CPHXL: variants seen among roughly 807,000 people sequenced by gnomAD.
CPHXL encodes the protein cytoplasmic polyadenylated homeobox like, also known as cytoplasmic polyadenylated homeobox-like protein.
chr16:75,715,928 C>T (rs534456689), intron 2 of CPHXL, among the ~76,000 whole-genome samples: 1 of 152,150 alleles, frequency 6.6e-6, no homozygotes, highest in South Asian at 2.1e-4. Flanking sequence ...GAACTCCTGA[C>T]CTCAGGTGAT....
intron 1 of CPHXL, among the ~76,000 whole-genome samples, chr16:75,725,291 CTTTT>C (rs1026117933): frequency 6.6e-6 from 1 of 151,542 alleles, no homozygotes; most frequent in African/African-American, 2.4e-5. Context: ...AAAAAACTTT[CTTTT>C]TTTCTTTATT....
At chr16:75,716,034 T>C (rs1170781625) in intron 2 of CPHXL, among the ~76,000 whole-genome samples, 1 of 152,084 alleles carries the variant, frequency 6.6e-6, no homozygotes, top group Non-Finnish European at 1.5e-5. Context: ...AATTCTGACA[T>C]GCATTGGTTC....
intron 1 of CPHXL, among the ~76,000 whole-genome samples, chr16:75,719,493 G>A (rs1959443206): frequency 6.6e-6 from 1 of 152,192 alleles, no homozygotes. Flanking sequence ...CGCCCATGGA[G>A]CCTCGCTCAC....
At chr16:75,720,409 G>A (rs1597221397) in intron 1 of CPHXL, among the ~76,000 whole-genome samples, 1 of 152,182 alleles carries the variant, frequency 6.6e-6, no homozygotes, top group South Asian at 2.1e-4. Context: ...AGTCGTTAAA[G>A]GACCTGATGG....
At chr16:75,724,682 G>A (rs1327701969) in intron 1 of CPHXL, among the ~76,000 whole-genome samples, 2 of 152,182 alleles carry the variant, frequency 1.3e-5, no homozygotes, top group African/African-American at 4.8e-5. Flanking sequence ...TGGTGGGACT[G>A]TAAAGTAGTT....
chr16:75,724,671 T>C (rs925722437), intron 1 of CPHXL, among the ~76,000 whole-genome samples: 3 of 152,186 alleles, frequency 2.0e-5, no homozygotes, highest in Non-Finnish European at 2.9e-5. Context: ...TTTTATACTG[T>C]TGGTGGGACT....
At chr16:75,719,458 G>A (rs1234926832) in intron 1 of CPHXL, among the ~76,000 whole-genome samples, 1 of 152,144 alleles carries the variant, frequency 6.6e-6, no homozygotes, top group Non-Finnish European at 1.5e-5. Context: ...GAGATTATAT[G>A]CTGCGCCTGG....
chr16:75,720,893 ACAG>A (rs1416417594), intron 1 of CPHXL, among the ~76,000 whole-genome samples: 82 of 152,358 alleles, frequency 5.4e-4, no homozygotes, highest in African/African-American at 1.9e-3. Flanking sequence ...TATCAGACTA[ACAG>A]CGGATCTCTC....
intron 1 of CPHXL, among the ~76,000 whole-genome samples, chr16:75,725,748 G>A (rs1306959698): frequency 9.1e-6 from 1 of 109,890 alleles, no homozygotes; most frequent in Admixed American, 1.3e-4. Flanking sequence ...CACCGTGCCC[G>A]GCGTCTTTTT....
chr16:75,718,397 T>A lies in CPHXL; in HGVS notation c.87A>T (p.Thr29=), dbSNP rs1194879353. The A allele has an allele frequency of 1.3e-5, 5 of 398,648 alleles. No homozygotes were observed. Among genetic ancestry groups the A allele is most frequent in the African/African-American group, 1.0e-4 (5 of 48,642 alleles). The allele number at this position is 398,648 out of a possible 1,614,324, so 24.7% of individuals were successfully genotyped here. Reference sequence around the variant, plus strand: ...CTTCAGAAAATTTATGTCGGTGTTTTGTTTTTCTTTTATTCTTTGTTTGTC... The same window carrying A: ...CTTCAGAAAATTTATGTCGGTGTTTAGTTTTTCTTTTATTCTTTGTTTGTC... ...EERQTKNKRK[T]KHRHKFSEEL... is the part of the protein sequence containing the mutation. Residue 29 remains threonine, a synonymous_variant, in exon 2 of 3, where the codon ACA becomes ACT. Coordinates refer to ENST00000640559, the MANE Select transcript of CPHXL (RefSeq NM_001355613.1).
chr16:75,726,066 G>T (rs1350070018), intron 1 of CPHXL, among the ~76,000 whole-genome samples: 1 of 143,392 alleles, frequency 7.0e-6, no homozygotes, highest in Non-Finnish European at 1.5e-5. Context: ...AAAACTTGTG[G>T]AACAATTGAG....
At chr16:75,724,417 C>T (rs952374891) in intron 1 of CPHXL, among the ~76,000 whole-genome samples, 5 of 152,078 alleles carry the variant, frequency 3.3e-5, no homozygotes, top group African/African-American at 1.2e-4. Context: ...TGAACTCAAA[C>T]AAATTTACAA....
At chr16:75,719,271 C>G (rs1334429444) in intron 1 of CPHXL, among the ~76,000 whole-genome samples, 1 of 152,142 alleles carries the variant, frequency 6.6e-6, no homozygotes, top group Non-Finnish European at 1.5e-5. Context: ...AGAGTGGGTG[C>G]AGGGCACCGA....
intron 1 of CPHXL, among the ~76,000 whole-genome samples, chr16:75,721,967 A>G (rs530232161): frequency 6.6e-6 from 1 of 152,360 alleles, no homozygotes; most frequent in Admixed American, 6.5e-5. Context: ...AAACTGCTCA[A>G]TTACATGGAA....
chr16:75,722,868 T>C (rs1332982727), intron 1 of CPHXL, among the ~76,000 whole-genome samples: 3 of 152,212 alleles, frequency 2.0e-5, no homozygotes, highest in East Asian at 3.9e-4. Flanking sequence ...ACTAGCAAAC[T>C]GAATCCAGCA....
chr16:75,721,588 C>A (rs994386296), intron 1 of CPHXL, among the ~76,000 whole-genome samples: 1 of 152,136 alleles, frequency 6.6e-6, no homozygotes, highest in Non-Finnish European at 1.5e-5. Context: ...TACAGGAGCA[C>A]CCAGATTCAT....
In CPHXL at chr16:75,715,241, ATT is replaced by A. The variant is rs1555519126; in HGVS notation, c.220-21_220-20del. The A allele has an allele frequency of 1.3e-5, 5 of 398,720 alleles. No homozygotes were observed. Among genetic ancestry groups the A allele is most frequent in the South Asian group, 1.3e-4 (1 of 7,852 alleles). The allele number at this position is 398,720 out of a possible 1,614,324, so 24.7% of individuals were successfully genotyped here. A position where few individuals can be genotyped will look rare whatever the true frequency, so the allele number is the denominator to read the frequency against. ...ACCAATTCTAGAGAGAAAAGATAAT[ATT>A]GTTTTATTGACTCTACTTATCTGAA... On this transcript the variant is annotated intron_variant, in intron 2 of 2. Transcript: ENST00000640559.
At chr16:75,721,859 G>A (rs1254441224) in intron 1 of CPHXL, among the ~76,000 whole-genome samples, 1 of 152,136 alleles carries the variant, frequency 6.6e-6, no homozygotes. Context: ...TGGAAGTAAA[G>A]CACTCCTCAG....
intron 1 of CPHXL, among the ~76,000 whole-genome samples, chr16:75,723,621 A>G (rs1057304155): frequency 2.6e-5 from 4 of 152,220 alleles, no homozygotes; most frequent in Non-Finnish European, 5.9e-5. Flanking sequence ...CAAATGGAAG[A>G]ACATTCCATG....
Sources: allele counts gnomAD v4.1 joint callset (sites outside exome capture counted in the v4.1 genomes callset), GRCh38; gene constraint gnomAD v4.1.1; transcripts MANE v1.5; gene names NCBI Gene and HGNC (gene_info 2026-07-23, HGNC 2026-07-21).